The following DLGAP1 variants were observed in gnomAD, a reference collection of about 807,000 sequenced individuals.
The protein encoded by DLGAP1 is disks large-associated protein 1.
Under a neutral mutation model 90.8 loss-of-function variants are expected in DLGAP1, and 11 were observed. That is an observed-to-expected ratio of 0.12 (90% CI 0.08 to 0.20). DLGAP1 has a LOEUF of 0.20. Among genes scored for constraint, DLGAP1 ranks in the 10% least tolerant of loss-of-function variants. The pLI is 1.00. For missense variants in DLGAP1, 1,050 were observed against 1,333.8 expected, an observed-to-expected ratio of 0.79 and a Z score of 3.31; for synonymous variants, 558 against 540.7, an observed-to-expected ratio of 1.03 and a Z score of -0.44.
chr18:3,743,925 A>T (rs770790829), intron 5 of DLGAP1, among the ~76,000 whole-genome samples: 1 of 152,132 alleles, frequency 6.6e-6, no homozygotes, highest in Non-Finnish European at 1.5e-5. Flanking sequence ...GTTGGGATTA[A>T]AGGCATGAGC....
intron 1 of DLGAP1, among the ~76,000 whole-genome samples, chr18:4,413,965 A>G (rs1180745483): frequency 6.6e-6 from 1 of 152,204 alleles, no homozygotes; most frequent in Non-Finnish European, 1.5e-5. Context: ...AGGTGGCACG[A>G]GGTCATCAAA....
At chr18:3,865,388 T>C (rs1013880468) in intron 4 of DLGAP1, among the ~76,000 whole-genome samples, 2 of 152,180 alleles carry the variant, frequency 1.3e-5, no homozygotes, top group Non-Finnish European at 2.9e-5. Context: ...GGTTGAGATA[T>C]ACATTTCCAC....
chr18:3,598,532 A>G (rs888131424), intron 7 of DLGAP1, among the ~76,000 whole-genome samples: 13 of 147,540 alleles, frequency 8.8e-5, no homozygotes, highest in Non-Finnish European at 1.6e-4. Flanking sequence ...CAGTGTCACA[A>G]TCTTGGCTCA....
intron 7 of DLGAP1, among the ~76,000 whole-genome samples, chr18:3,668,455 G>A (rs1442322982): frequency 6.6e-6 from 1 of 152,086 alleles, no homozygotes; most frequent in Non-Finnish European, 1.5e-5. Context: ...AGGACTACAG[G>A]CACATGCCAC....
chr18:3,835,553 G>A (rs1423794159), intron 4 of DLGAP1, among the ~76,000 whole-genome samples: 1 of 151,408 alleles, frequency 6.6e-6, no homozygotes, highest in Non-Finnish European at 1.5e-5. Context: ...GGAGGCTGAG[G>A]CAGGAGAATC....
chr18:4,281,870 G>A (rs1598803903), intron 1 of DLGAP1, among the ~76,000 whole-genome samples: 1 of 152,166 alleles, frequency 6.6e-6, no homozygotes, highest in East Asian at 1.9e-4. Context: ...TACTTCCTAT[G>A]TTTATAATTC....
intron 2 of DLGAP1, among the ~76,000 whole-genome samples, chr18:4,069,512 C>T (rs989116919): frequency 1.3e-5 from 2 of 152,054 alleles, no homozygotes; most frequent in African/African-American, 4.8e-5. Context: ...TGGCACCATC[C>T]CCCTTGGTAT....
intron 1 of DLGAP1, among the ~76,000 whole-genome samples, chr18:4,191,247 G>A (rs1445393727): frequency 6.6e-6 from 1 of 152,038 alleles, no homozygotes; most frequent in Non-Finnish European, 1.5e-5. Context: ...ACTGCATCAT[G>A]AATTTTTTGA....
At chr18:4,242,415 A>G (rs1026783834) in intron 1 of DLGAP1, among the ~76,000 whole-genome samples, 1 of 152,118 alleles carries the variant, frequency 6.6e-6, no homozygotes, top group African/African-American at 2.4e-5. Flanking sequence ...ATTCTGGCAC[A>G]TGGATCTGAA....
intron 2 of DLGAP1, among the ~76,000 whole-genome samples, chr18:4,073,452 A>G (rs1408195109): frequency 6.6e-6 from 1 of 152,202 alleles, no homozygotes; most frequent in Non-Finnish European, 1.5e-5. Flanking sequence ...GAGTACATGA[A>G]TTCATTTTAA....
intron 7 of DLGAP1, among the ~76,000 whole-genome samples, chr18:3,714,229 C>T (rs1332492708): frequency 2.0e-5 from 3 of 152,244 alleles, no homozygotes; most frequent in South Asian, 4.1e-4. Context: ...AGCAAAACAA[C>T]GTATGATTTT....
At chr18:4,295,824 AGTT>A (rs1456984424) in intron 1 of DLGAP1, among the ~76,000 whole-genome samples, 1 of 152,342 alleles carries the variant, frequency 6.6e-6, no homozygotes, top group African/African-American at 2.4e-5. Context: ...GGTAAGTGTT[AGTT>A]ATTATCATCT....
intron 10 of DLGAP1, among the ~76,000 whole-genome samples, chr18:3,531,372 G>A (rs1449563487): frequency 6.6e-6 from 1 of 152,096 alleles, no homozygotes; most frequent in East Asian, 1.9e-4. Context: ...AGGAGACAGA[G>A]GTTGCAGTGA....
At chr18:3,752,637 C>CCT (rs2063551877) in intron 5 of DLGAP1, among the ~76,000 whole-genome samples, 5 of 145,238 alleles carry the variant, frequency 3.4e-5, no homozygotes, top group South Asian at 4.6e-4. Flanking sequence ...TCCCCACCCC[C>CCT]CTCTCTCTCT....
intron 2 of DLGAP1, among the ~76,000 whole-genome samples, chr18:4,086,569 A>G (rs751111499): frequency 3.3e-5 from 5 of 152,070 alleles, no homozygotes; most frequent in Non-Finnish European, 7.4e-5. Context: ...TGGGTTACTC[A>G]GCACTGTGTT....
chr18:3,662,007 T>A (rs566133547), intron 7 of DLGAP1, among the ~76,000 whole-genome samples: 8 of 152,236 alleles, frequency 5.3e-5, no homozygotes, highest in African/African-American at 1.4e-4. Context: ...TCACTTGTAG[T>A]AATGTGGAAA....
chr18:4,452,140 G>C (rs187915720), intron 1 of DLGAP1, among the ~76,000 whole-genome samples: 130 of 152,152 alleles, frequency 8.5e-4, no homozygotes, highest in Non-Finnish European at 8.4e-4. Flanking sequence ...TTCCTGAGAG[G>C]AAACCAATTT....
At chr18:4,377,221 A>G (rs2144273791) in intron 1 of DLGAP1, among the ~76,000 whole-genome samples, 1 of 152,234 alleles carries the variant, frequency 6.6e-6, no homozygotes, top group African/African-American at 2.4e-5. Context: ...TGGATGCACA[A>G]GAGAATAAGA....
rs1264730663 is a variant in DLGAP1, at chr18:3,711,413, TGG to T, written c.1591+17720_1591+17721del. Among the ~76,000 whole-genome samples, 3 of 152,208 alleles carry T rather than the reference TGG, an allele frequency of 2.0e-5. No homozygotes were observed. In the East Asian group the frequency reaches 5.8e-4, roughly 29 times the overall value. ...AAATGTATATGCCCAATTAGTCTAT[TGG>T]AACAAAAATAGAATGTAAAACAAAA... On this transcript the variant is annotated intron_variant, in intron 7 of 12. Coordinates refer to ENST00000315677, the MANE Select transcript of DLGAP1 (RefSeq NM_004746.4). This position sits in a 1 kb window ranked among gnomAD's most constrained non-coding sequence, Gnocchi z 4.0.
Sources: gnomAD v4.1 joint callset for allele counts (sites outside exome capture counted in the v4.1 genomes callset) on GRCh38, gnomAD v4.1.1 for gene constraint, Gnocchi (gnomAD v3.1) non-coding constraint, MANE v1.5 for transcripts, NCBI Gene and HGNC (gene_info 2026-07-23, HGNC 2026-07-21) for gene names.